The following GRAMD2B variants were observed in gnomAD, a reference collection of about 807,000 sequenced individuals.
GRAMD2B encodes GRAM domain containing 2B.
A neutral mutation model predicts 59.2 loss-of-function variants in GRAMD2B; 41 were observed. The observed-to-expected ratio is 0.69, with a 90% CI of 0.54 to 0.90. The LOEUF (loss-of-function observed/expected upper bound fraction) is 0.90, where lower values mean the gene tolerates loss of function less well. GRAMD2B is among the 40% of genes least tolerant of loss of function. The probability of loss-of-function intolerance (pLI) is 0.00; values close to 1 mark genes in which losing one functional copy is unlikely to be tolerated. For synonymous variants in GRAMD2B, 161 were observed against 182.7 expected, an observed-to-expected ratio of 0.88 and a Z score of 0.96; for missense variants, 424 against 500.5, an observed-to-expected ratio of 0.85 and a Z score of 1.46.
At position 126,408,689 on chromosome 5, in the gene GRAMD2B, CT is replaced by C. The variant is rs34569546; in HGVS notation, c.125+37134del. On this transcript the variant is annotated intron_variant, in intron 1 of 8. Transcript: ENST00000506445. ...GTCCTTGCAGCTTCTGCCTGAGACTCTTTTTTTTTTTTGTTATACTTTAAGT... is the reference window on the plus strand; with the variant it reads ...GTCCTTGCAGCTTCTGCCTGAGACTCTTTTTTTTTTTGTTATACTTTAAGT... Among the ~76,000 whole-genome samples the C allele has an allele frequency of 2.7e-4, 39 of 145,784 alleles. No homozygotes were observed. In the Middle Eastern group the frequency reaches 0.021, roughly 80 times the overall value.
intron 1 of GRAMD2B, among the ~76,000 whole-genome samples, chr5:126,447,341 G>A (rs1561535414): frequency 6.6e-6 from 1 of 152,160 alleles, no homozygotes; most frequent in Non-Finnish European, 1.5e-5. Flanking sequence ...ACTGTCTGGT[G>A]TAGCCAAAAT....
chr5:126,493,371 C>G lies in GRAMD2B; in HGVS notation c.*415C>G. On this transcript the variant is annotated 3_prime_UTR_variant, in exon 14 of 14. Transcript: ENST00000285689. Reference sequence around the variant, plus strand: ...AACTAAAGGATACATCATATACTGACAAACTCAATGTGGTCCTTTCAAGAA... The same window carrying G: ...AACTAAAGGATACATCATATACTGAGAAACTCAATGTGGTCCTTTCAAGAA... 1 of 162,750 alleles carries G rather than the reference C, an allele frequency of 6.1e-6. No homozygotes were observed. The highest frequency in any genetic ancestry group is 1.7e-4 in the East Asian group (1 of 5,754). 10.1% of individuals were successfully genotyped at this position (162,750 alleles called of 1,614,324 possible). A position where few individuals can be genotyped will look rare whatever the true frequency, so the allele number is the denominator to read the frequency against.
intron 5 of GRAMD2B, among the ~76,000 whole-genome samples, chr5:126,474,522 T>C (rs1770204048): frequency 6.6e-6 from 1 of 152,196 alleles, no homozygotes; most frequent in Non-Finnish European, 1.5e-5. Flanking sequence ...CAGTATTTCA[T>C]ATATTTCTAC....
chr5:126,442,885 A>G (rs1763540567), intron 1 of GRAMD2B, among the ~76,000 whole-genome samples: 2 of 152,216 alleles, frequency 1.3e-5, no homozygotes, highest in Admixed American at 6.5e-5. Context: ...CATTTCCCAA[A>G]GAAAACTCAG....
intron 1 of GRAMD2B, among the ~76,000 whole-genome samples, chr5:126,413,619 T>A (rs1234040171): frequency 1.3e-5 from 2 of 152,106 alleles, no homozygotes; most frequent in Non-Finnish European, 2.9e-5. Context: ...TAGGTCCAAT[T>A]AGTCAAGTGT....
At chr5:126,445,401 G>C (rs1188298249) in intron 1 of GRAMD2B, 5 of 152,164 alleles carry the variant, frequency 3.3e-5, no homozygotes, top group African/African-American at 4.8e-5. Flanking sequence ...ACTGGTGTGA[G>C]ATGGTATCTC....
At chr5:126,371,612 G>A (rs1245021191) in intron 1 of GRAMD2B, 3 of 1,250,678 alleles carry the variant, frequency 2.4e-6, no homozygotes, top group African/African-American at 1.5e-5. Context: ...TCCCCCTGGT[G>A]GCCTCAGCTA....
Position 126,377,562 on chromosome 5 carries a change from A to T in GRAMD2B, c.125+5995A>T, listed in dbSNP as rs7719109. On this transcript the variant is annotated intron_variant, in intron 1 of 8. Coordinates refer to the GRAMD2B transcript ENST00000506445. Reference sequence around the variant, plus strand: ...TTCCTCCAGTCAGATATGTAGCCAAAGGCATTTTTGGCATTCTGAACTAAG... The same window carrying T: ...TTCCTCCAGTCAGATATGTAGCCAATGGCATTTTTGGCATTCTGAACTAAG... 4.0e-3 allele frequency among the ~76,000 whole-genome samples: 613 copies of T among 152,310 alleles called. 2 individuals carry two copies. The highest frequency in any genetic ancestry group is 0.014 in the African/African-American group (569 of 41,566).
chr5:126,483,639 CT>C, intron 9 of GRAMD2B, 65 bp downstream of exon 9: 1 of 744,208 alleles, frequency 1.3e-6, no homozygotes, highest in South Asian at 2.0e-5. Flanking sequence ...ACCCCACCCC[CT>C]TAAAAAAAAA....
rs150442446 is a variant in GRAMD2B at position 126,436,414 on chromosome 5, C to T, written c.83+12725C>T. ...CTATAATCCCAGCACTTTGGGAGGC[C>T]GAGATGGGAGGATCACTTGAGGCCA... On this transcript the variant is annotated intron_variant, in intron 1 of 13. Transcript: ENST00000285689. 4.3e-3 allele frequency among the ~76,000 whole-genome samples: 658 copies of T among 152,106 alleles called. 2 individuals carry two copies. The highest frequency in any genetic ancestry group is 9.2e-3 in the Admixed American group (140 of 15,276).
At chr5:126,446,184 G>A (rs1374193898) in intron 1 of GRAMD2B, among the ~76,000 whole-genome samples, 1 of 152,090 alleles carries the variant, frequency 6.6e-6, no homozygotes, top group Non-Finnish European at 1.5e-5. Context: ...TTGGTATTGT[G>A]TTTATTTTTT....
intron 1 of GRAMD2B, among the ~76,000 whole-genome samples, chr5:126,414,348 A>G (rs888876412): frequency 1.3e-5 from 2 of 152,228 alleles, no homozygotes; most frequent in Non-Finnish European, 2.9e-5. Flanking sequence ...GATATGGAAT[A>G]AAGATAACTC....
At chr5:126,470,411 T>A (rs557134457) in intron 3 of GRAMD2B, among the ~76,000 whole-genome samples, 89 of 152,278 alleles carry the variant, frequency 5.8e-4, no homozygotes, top group African/African-American at 2.0e-3. Context: ...ACCCAAGAAA[T>A]TTAAATATGA....
chr5:126,423,081 A>G, upstream of GRAMD2B: 2 of 815,022 alleles, frequency 2.5e-6, no homozygotes, highest in Non-Finnish European at 1.5e-6. Flanking sequence ...AGGATGGGGC[A>G]TAGGCCAGCC....
chr5:126,404,188 A>G (rs1373794476), intron 1 of GRAMD2B, among the ~76,000 whole-genome samples: 7 of 151,962 alleles, frequency 4.6e-5, no homozygotes, highest in Non-Finnish European at 1.0e-4. Flanking sequence ...TACAGTCTCA[A>G]CACAACCCAA....
At chr5:126,437,710 A>C (rs1279400827) in intron 1 of GRAMD2B, among the ~76,000 whole-genome samples, 1 of 152,266 alleles carries the variant, frequency 6.6e-6, no homozygotes, top group East Asian at 1.9e-4. Context: ...ATGAAAAAAC[A>C]AACAAGGAAA....
intron 1 of GRAMD2B, among the ~76,000 whole-genome samples, chr5:126,453,593 G>C (rs1200597112): frequency 6.6e-6 from 1 of 152,166 alleles, no homozygotes; most frequent in Non-Finnish European, 1.5e-5. Flanking sequence ...CCTCCTTGCT[G>C]CATTTTACAA....
rs33993359 is a variant in GRAMD2B, at chr5:126,395,088, C to CT, written c.125+23531dup. On this transcript the variant is annotated intron_variant, in intron 1 of 8. Transcript: ENST00000506445. ...GCAGTTCTTATAACTTAGAGTTACA[C>CT]TTTTTTTTTTGTTAGAAGATACTTT... Among the ~76,000 whole-genome samples, 491 of 150,810 alleles carry CT rather than the reference C, an allele frequency of 3.3e-3. 6 individuals are homozygous for CT. The highest frequency in any genetic ancestry group is 0.011 in the African/African-American group (452 of 41,162).
chr5:126,384,999 A>C (rs1755993546), intron 1 of GRAMD2B, among the ~76,000 whole-genome samples: 2 of 152,240 alleles, frequency 1.3e-5, no homozygotes. Context: ...CCTGGCATAA[A>C]GTAGACAACG....
Sources: gnomAD v4.1 joint callset for allele counts (sites outside exome capture counted in the v4.1 genomes callset) on GRCh38, gnomAD v4.1.1 for gene constraint, MANE v1.5 for transcripts, NCBI Gene and HGNC (gene_info 2026-07-23, HGNC 2026-07-21) for gene names.